Variants in INTS9 observed in about 807,000 individuals in gnomAD.
INTS9 encodes protein related to CPSF subunits of 74 kDa.
Under a neutral mutation model 79.7 loss-of-function variants are expected in INTS9, and 55 were observed. That is an observed-to-expected ratio of 0.69 (90% CI 0.56 to 0.86). INTS9 has a LOEUF of 0.86. INTS9 is among the 40% of genes least tolerant of loss of function. The pLI, the probability that INTS9 is intolerant of heterozygous loss-of-function variation, is 0.00. For missense variants in INTS9, 721 were observed against 831.5 expected (o/e 0.87, Z 1.64); for synonymous variants, 319 against 325.2 (o/e 0.98, Z 0.20).
In INTS9 at chr8:28,888,927, C is replaced by A. The variant is rs1324868013; in HGVS notation, c.9+947G>T. Reference sequence around the variant, plus strand: ...AAATAAACTTTTTTTTTTTTTGAGACAGAGTCTCGCGCTGTTGCAAGGCTG... The same window carrying A: ...AAATAAACTTTTTTTTTTTTTGAGAAAGAGTCTCGCGCTGTTGCAAGGCTG... On this transcript the variant is annotated intron_variant, in intron 1 of 16. Transcript: ENST00000521022. Among the ~76,000 whole-genome samples the A allele has an allele frequency of 2.0e-5, 3 of 150,960 alleles. No individual in the cohort carries two copies. In the East Asian group the frequency reaches 5.8e-4, roughly 29 times the overall value.
At chr8:28,776,272 A>C in intron 13 of INTS9, 1 of 187,872 alleles carries the variant, frequency 5.3e-6, no homozygotes, top group Non-Finnish European at 1.1e-5. Flanking sequence ...CTGCTATTAT[A>C]AGCTCTTGGC....
chr8:28,869,058 C>T (rs1405219478), intron 1 of INTS9, among the ~76,000 whole-genome samples: 1 of 151,852 alleles, frequency 6.6e-6, no homozygotes, highest in Non-Finnish European at 1.5e-5. Flanking sequence ...CACACCATTG[C>T]ACTCCATCCT....
chr8:28,835,450 G>T (rs1377983781), intron 5 of INTS9, 72 bp from the exon 6 acceptor site: 32 of 1,002,720 alleles, frequency 3.2e-5, no homozygotes, highest in South Asian at 1.2e-4. Context: ...CTAACAGTTG[G>T]CCAGGAGAAA....
intron 4 of INTS9, among the ~76,000 whole-genome samples, chr8:28,844,110 G>T (rs1452143421): frequency 1.3e-5 from 2 of 152,224 alleles, no homozygotes; most frequent in Non-Finnish European, 2.9e-5. Context: ...GCAACAGGAG[G>T]TGGCTATGAA....
At chr8:28,847,179 C>G (rs1186682402) in intron 3 of INTS9, among the ~76,000 whole-genome samples, 1 of 152,122 alleles carries the variant, frequency 6.6e-6, no homozygotes, top group Non-Finnish European at 1.5e-5. Flanking sequence ...TAAAAGATCC[C>G]TGGCCCTATC....
At chr8:28,821,149 T>C (rs1805803172) in intron 6 of INTS9, among the ~76,000 whole-genome samples, 1 of 152,096 alleles carries the variant, frequency 6.6e-6, no homozygotes, top group African/African-American at 2.4e-5. Flanking sequence ...TCAAAGACTA[T>C]GAGGGTCACA....
intron 1 of INTS9, among the ~76,000 whole-genome samples, chr8:28,883,532 G>C (rs1420930311): frequency 6.6e-6 from 1 of 152,198 alleles, no homozygotes; most frequent in African/African-American, 2.4e-5. Context: ...TGGAAAACTA[G>C]TGAGCAATTT....
chr8:28,886,877 A>G (rs1810198705), intron 1 of INTS9, among the ~76,000 whole-genome samples: 2 of 152,228 alleles, frequency 1.3e-5, no homozygotes. Flanking sequence ...CTGGCACACA[A>G]TAATTGCTTT....
At chr8:28,798,402 C>T (rs559349164) in intron 8 of INTS9, 1 of 152,286 alleles carries the variant, frequency 6.6e-6, no homozygotes, top group Non-Finnish European at 1.5e-5. Context: ...TAGAATGAAC[C>T]AATAATGATC....
intron 10 of INTS9, among the ~76,000 whole-genome samples, chr8:28,790,513 A>G (rs139718646): frequency 6.6e-6 from 1 of 152,118 alleles, no homozygotes; most frequent in Non-Finnish European, 1.5e-5. Flanking sequence ...TCTTTTGTGG[A>G]AATGAGGTCT....
At chr8:28,853,349 G>A (rs938690126) in intron 2 of INTS9, among the ~76,000 whole-genome samples, 1 of 151,502 alleles carries the variant, frequency 6.6e-6, no homozygotes, top group Non-Finnish European at 1.5e-5. Context: ...GGAGGCAAGG[G>A]TTGCAGTGAG....
At chr8:28,831,481 C>A (rs1340383052) in intron 6 of INTS9, among the ~76,000 whole-genome samples, 1 of 152,186 alleles carries the variant, frequency 6.6e-6, no homozygotes, top group Non-Finnish European at 1.5e-5. Flanking sequence ...AAAAAGGGAG[C>A]TTTCCTCTGC....
chr8:28,821,540 G>A (rs115271418), intron 6 of INTS9, among the ~76,000 whole-genome samples: 246 of 151,966 alleles, frequency 1.6e-3, no homozygotes, highest in African/African-American at 5.8e-3. Context: ...ACCTGACAAG[G>A]CTTTCAGTGT....
At position 28,771,280 on chromosome 8, in the gene INTS9, C is replaced by G. The variant is rs1157082048; in HGVS notation, c.1564-200G>C. The G allele has an allele frequency of 9.7e-6, 6 of 616,652 alleles. No individual in the cohort carries two copies. The East Asian group carries it at 1.9e-4, about 19-fold the overall frequency. The allele number at this position is 616,652 out of a possible 1,614,324, so 38.2% of individuals were successfully genotyped here. On this transcript the variant is annotated intron_variant, in intron 14 of 16. Coordinates refer to ENST00000521022, the MANE Select transcript of INTS9 (RefSeq NM_018250.4). Reference sequence around the variant, plus strand: ...AGCCTTTCATTCATTCTGGCCTTTACTTCACCCTCATCCCCTCTCCAGGTG... The same window carrying G: ...AGCCTTTCATTCATTCTGGCCTTTAGTTCACCCTCATCCCCTCTCCAGGTG...
At chr8:28,798,174 A>G (rs1804325450) in intron 8 of INTS9, 1 of 152,256 alleles carries the variant, frequency 6.6e-6, no homozygotes, top group Non-Finnish European at 1.5e-5. Context: ...ATCTATTTGT[A>G]CTTCTCCAAC....
At position 28,768,214 on chromosome 8, in the gene INTS9, AGAT is replaced by A. The variant is rs1174060019; in HGVS notation, c.1906_1908del (p.Ile636del). ...ACTCTGAGCATCTCGTCATTGTCGC[AGAT>A]GATATGGGTCGAGTCTTCTTCAATC... On this transcript the variant is annotated inframe_deletion, in exon 17 of 17. Coordinates refer to ENST00000521022, the MANE Select transcript of INTS9 (RefSeq NM_018250.4). 8.7e-6 allele frequency: 14 copies of A among 1,614,224 alleles called. No homozygotes were observed. In the South Asian group the frequency reaches 1.5e-4, roughly 18 times the overall value.
chr8:28,768,524 A>G, intron 16 of INTS9: 2 of 599,846 alleles, frequency 3.3e-6, no homozygotes, highest in South Asian at 4.0e-5. Context: ...CATGCAAAAC[A>G]ACAGAATTTC....
intron 1 of INTS9, among the ~76,000 whole-genome samples, chr8:28,886,095 T>C (rs1810161839): frequency 6.6e-6 from 1 of 151,962 alleles, no homozygotes; most frequent in African/African-American, 2.4e-5. Flanking sequence ...AGTTAGAGAA[T>C]TATAAATGGT....
chr8:28,878,180 A>G (rs1809494750), intron 1 of INTS9, among the ~76,000 whole-genome samples: 1 of 152,238 alleles, frequency 6.6e-6, no homozygotes, highest in African/African-American at 2.4e-5. Context: ...TTTTGTAAAA[A>G]ATAAAATAGG....
Sources: gnomAD v4.1 joint callset for allele counts (sites outside exome capture counted in the v4.1 genomes callset) on GRCh38, gnomAD v4.1.1 for gene constraint, MANE v1.5 for transcripts, NCBI Gene and HGNC (gene_info 2026-07-23, HGNC 2026-07-21) for gene names.